KCNT1: variants seen among roughly 807,000 people sequenced by gnomAD.
The protein encoded by KCNT1 is potassium channel subfamily T member 1.
KCNT1 carries 78 observed loss-of-function variants against 147.8 expected under a neutral mutation model. That is an observed-to-expected ratio of 0.53 (90% CI 0.44 to 0.64). The LOEUF (loss-of-function observed/expected upper bound fraction) is 0.64. Ranked by LOEUF, KCNT1 falls within the 30% of genes least tolerant of loss-of-function variation. KCNT1 has a pLI of 0.00. For missense variants in KCNT1, 1,419 were observed against 1,750.3 expected, an observed-to-expected ratio of 0.81 and a Z score of 3.38; for synonymous variants, 867 against 748.8, an observed-to-expected ratio of 1.16 and a Z score of -2.58.
chr9:135,702,463 C>T (rs903938402), intron 1 of KCNT1, 95 bp downstream of exon 1: 25 of 1,047,586 alleles, frequency 2.4e-5, no homozygotes, highest in Non-Finnish European at 8.7e-6. Context: ...CCAGGACCCG[C>T]CATTCCCAGG....
intron 1 of KCNT1, among the ~76,000 whole-genome samples, chr9:135,707,043 T>A (rs1835285439): frequency 6.7e-6 from 1 of 150,296 alleles, no homozygotes; most frequent in Non-Finnish European, 1.5e-5. Flanking sequence ...TCGGTGCTTT[T>A]GGAGGCTAAG....
At chr9:135,779,824 G>T (rs558654458) in intron 24 of KCNT1, among the ~76,000 whole-genome samples, 7 of 152,384 alleles carry the variant, frequency 4.6e-5, no homozygotes, top group African/African-American at 1.7e-4. Context: ...CCTCAGATCG[G>T]TGGTTCCACA....
At chr9:135,732,016 A>AGG (rs1564328221) in intron 2 of KCNT1, among the ~76,000 whole-genome samples, 3 of 114,674 alleles carry the variant, frequency 2.6e-5, no homozygotes, top group Non-Finnish European at 5.5e-5. Flanking sequence ...AGAGAGAGAG[A>AGG]GAGAGAGAGA....
intron 2 of KCNT1, among the ~76,000 whole-genome samples, chr9:135,728,675 G>A (rs1007268934): frequency 3.0e-4 from 45 of 152,244 alleles, no homozygotes; most frequent in African/African-American, 1.0e-3. Flanking sequence ...GGAGAGGGCC[G>A]GGCAGGGGTC....
intron 2 of KCNT1, among the ~76,000 whole-genome samples, chr9:135,727,046 T>TCTCC (rs1554765498): frequency 1.6e-4 from 3 of 18,186 alleles, no homozygotes; most frequent in East Asian, 1.5e-3. Flanking sequence ...ATTCTCTCTC[T>TCTCC]CTCTCCCTCT....
At chr9:135,773,074 G>C in intron 19 of KCNT1, 125 bp downstream of exon 19, 1 of 605,644 alleles carries the variant, frequency 1.7e-6, no homozygotes, top group Non-Finnish European at 2.6e-6. Flanking sequence ...ACAGCTCCGT[G>C]GAAGTCCTTG....
At chr9:135,707,218 G>A (rs1409482705) in intron 1 of KCNT1, among the ~76,000 whole-genome samples, 1 of 152,090 alleles carries the variant, frequency 6.6e-6, no homozygotes. Context: ...CCAGCCCAGG[G>A]ACCTGGCACA....
chr9:135,729,201 G>A (rs1836333921), intron 2 of KCNT1, among the ~76,000 whole-genome samples: 1 of 152,244 alleles, frequency 6.6e-6, no homozygotes, highest in Non-Finnish European at 1.5e-5. Context: ...ACTCACACGT[G>A]CCCTCTGAAA....
At chr9:135,728,386 G>A (rs1836302852) in intron 2 of KCNT1, among the ~76,000 whole-genome samples, 1 of 152,234 alleles carries the variant, frequency 6.6e-6, no homozygotes, top group Non-Finnish European at 1.5e-5. Context: ...TTTCTATGTG[G>A]GGCAGAAAAG....
At chr9:135,708,628 G>A (rs761643449) in intron 1 of KCNT1, among the ~76,000 whole-genome samples, 3 of 152,160 alleles carry the variant, frequency 2.0e-5, no homozygotes, top group Non-Finnish European at 2.9e-5. Context: ...ATGGCTCACC[G>A]CAGCCTCAAC....
chr9:135,732,376 A>G (rs944861486), intron 2 of KCNT1, among the ~76,000 whole-genome samples: 1 of 152,162 alleles, frequency 6.6e-6, no homozygotes, highest in Non-Finnish European at 1.5e-5. Context: ...GGTACAAGCA[A>G]TCCTCCAGTG....
intron 7 of KCNT1, 36 bp downstream of exon 7, chr9:135,756,968 T>TCG: frequency 1.2e-6 from 1 of 852,572 alleles, no homozygotes. Flanking sequence ...TCACAGGGGG[T>TCG]CCCCACCCTC....
At position 135,786,507 on chromosome 9, in the gene KCNT1, C is replaced by T. The variant is rs1439404936; in HGVS notation, c.3488C>T (p.Pro1163Leu). 10 of 1,594,764 alleles carry T rather than the reference C, an allele frequency of 6.3e-6. No homozygotes were observed. In the African/African-American group the frequency reaches 1.2e-4, roughly 20 times the overall value. The change falls in exon 29 of 31, where the codon CCC becomes CTC. Residue 1163 changes from proline (P) to leucine (L), a missense_variant. Transcript: ENST00000371757. ...VKNRMKHLGL[P>L]TTGYDEMNDH... Reference sequence around the variant, plus strand: ...AACCGCATGAAGCACCTGGGGCTGCCCACCACCGGCTACGGTAAGGGCACA... The same window carrying T: ...AACCGCATGAAGCACCTGGGGCTGCTCACCACCGGCTACGGTAAGGGCACA...
In KCNT1 at chr9:135,736,891, G is replaced by C. The variant is rs185752395; in HGVS notation, c.255-13207G>C. 91 of 282,324 alleles carry C rather than the reference G, an allele frequency of 3.2e-4. No individual in the cohort carries two copies. In the East Asian group the frequency reaches 4.2e-3, roughly 13 times the overall value. The allele number at this position is 282,324 out of a possible 1,614,324, so 17.5% of individuals were successfully genotyped here. On this transcript the variant is annotated intron_variant, in intron 2 of 30. Coordinates refer to ENST00000371757, the MANE Select transcript of KCNT1 (RefSeq NM_020822.3). ...CTGCGTTGCCTGCAGCCCGGGGAAG[G>C]GGGGAGGCCAGGGTCTCCCCTCCTA...
At chr9:135,705,480 GCT>G (rs1439097041) in intron 1 of KCNT1, among the ~76,000 whole-genome samples, 1 of 152,244 alleles carries the variant, frequency 6.6e-6, no homozygotes, top group Non-Finnish European at 1.5e-5. Flanking sequence ...GTGTGTGAGA[GCT>G]GGAGGAGGAT....
At chr9:135,783,361 C>T (rs533006480) in intron 24 of KCNT1, among the ~76,000 whole-genome samples, 7 of 152,296 alleles carry the variant, frequency 4.6e-5, no homozygotes, top group Admixed American at 4.6e-4. Context: ...AGGTGGCCTC[C>T]AGGAGCTGGA....
chr9:135,766,380 G>A (rs1282816955), intron 13 of KCNT1, among the ~76,000 whole-genome samples: 1 of 151,928 alleles, frequency 6.6e-6, no homozygotes, highest in Non-Finnish European at 1.5e-5. Context: ...ACCATCCAGG[G>A]TGGATCATCT....
rs1383981222 is a variant in KCNT1 at position 135,768,619 on chromosome 9, T to C, written c.1347T>C (p.Asn449=). Residue 449 remains asparagine (N), a synonymous_variant, in exon 14 of 31, where the codon AAT becomes AAC. Transcript: ENST00000371757. ...DQDLMRAKMD[N]GEACFILSSR... ...CCCTGGTGCATTGCAGGATGGACAA[T>C]GGGGAGGCCTGCTTCATCCTCAGCA... 3 of 1,550,140 alleles carry C rather than the reference T, an allele frequency of 1.9e-6. No homozygotes were observed. The highest frequency in any genetic ancestry group is 2.6e-6 in the Non-Finnish European group (3 of 1,146,736).
intron 13 of KCNT1, chr9:135,768,384 G>A (rs1373945629): frequency 4.9e-6 from 2 of 407,178 alleles, no homozygotes; most frequent in South Asian, 5.1e-5. Flanking sequence ...CACTGAGGGG[G>A]CACTGTGACT....
Sources: allele counts gnomAD v4.1 joint callset (sites outside exome capture counted in the v4.1 genomes callset), GRCh38; gene constraint gnomAD v4.1.1; transcripts MANE v1.5; gene names NCBI Gene and HGNC (gene_info 2026-07-23, HGNC 2026-07-21).